PTPN11: variants seen among roughly 807,000 people sequenced by gnomAD.
PTPN11 encodes the protein tyrosine-protein phosphatase non-receptor type 11.
In PTPN11, 6 loss-of-function variants were observed where a neutral mutation model predicts 78.8. That is an observed-to-expected ratio of 0.08 (90% confidence interval 0.04 to 0.15). The LOEUF (loss-of-function observed/expected upper bound fraction) is 0.15, where lower values mean the gene tolerates loss of function less well. PTPN11 is among the 10% of genes least tolerant of loss of function. PTPN11 has a pLI of 1.00. For synonymous variants in PTPN11, 221 were observed against 263.5 expected (o/e 0.84, Z 1.56); for missense variants, 386 against 744.8 (o/e 0.52, Z 5.61).
In PTPN11 at chr12:112,489,047, C is replaced by T. The variant is rs397507539; in HGVS notation, c.1471C>T (p.Pro491Ser). The T allele has an allele frequency of 1.2e-6, 2 of 1,614,002 alleles. No homozygotes were observed. The highest frequency in any genetic ancestry group is 1.7e-6 in the Non-Finnish European group (2 of 1,180,016). The stretch of plus-strand genomic sequence containing the variant: ...AGGTGTTGACTGCGATATTGACGTT[C>T]CCAAAACCATCCAGATGGTGCGGTC... ...EKGVDCDIDV[P>S]KTIQMVRSQR... Residue 491 changes from proline (P) to serine (S), a missense_variant, in exon 13 of 16, where the codon CCC (proline) becomes TCC (serine). Coordinates refer to ENST00000351677, the MANE Select transcript of PTPN11 (RefSeq NM_002834.5).
At position 112,419,014 on chromosome 12, in the gene PTPN11, T is replaced by G. The variant is rs2135817140; in HGVS notation, c.-98T>G. 2 of 1,475,668 alleles carry G rather than the reference T, an allele frequency of 1.4e-6. No homozygotes were observed. The highest frequency in any genetic ancestry group is 1.8e-6 in the Non-Finnish European group (2 of 1,095,684). 91.4% of individuals were successfully genotyped at this position (1,475,668 alleles called of 1,614,324 possible). On this transcript the variant is annotated 5_prime_UTR_variant, in exon 1 of 16. Coordinates refer to ENST00000351677, the MANE Select transcript of PTPN11 (RefSeq NM_002834.5). ...CCGGCTGGCTCTGCCCCGCGTCCGG[T>G]CCCGAGCGGGCCTCCCTCGGGCCAG...
intron 13 of PTPN11, among the ~76,000 whole-genome samples, chr12:112,492,760 G>T (rs1032714519): frequency 6.6e-6 from 1 of 151,916 alleles, no homozygotes; most frequent in Admixed American, 6.6e-5. Context: ...CTTGTGATCT[G>T]CCCGCCTTGG....
chr12:112,425,602 C>T (rs564590919), intron 1 of PTPN11, among the ~76,000 whole-genome samples: 3 of 152,178 alleles, frequency 2.0e-5, no homozygotes, highest in Admixed American at 2.0e-4. Context: ...ATGTATTATC[C>T]AGCATTGAAG....
At chr12:112,476,143 AG>A (rs2038498429) in intron 7 of PTPN11, among the ~76,000 whole-genome samples, 1 of 152,100 alleles carries the variant, frequency 6.6e-6, no homozygotes, top group East Asian at 1.9e-4. Context: ...ACATCTGCTC[AG>A]GGGTCAGGTG....
intron 10 of PTPN11, among the ~76,000 whole-genome samples, chr12:112,485,954 C>T (rs1263895992): frequency 1.3e-5 from 2 of 150,420 alleles, no homozygotes; most frequent in East Asian, 3.9e-4. Flanking sequence ...GCACTCCAGC[C>T]TGGGCAACAG....
chr12:112,459,847 C>T (rs1291240277), intron 6 of PTPN11, among the ~76,000 whole-genome samples: 1 of 151,632 alleles, frequency 6.6e-6, no homozygotes, highest in Non-Finnish European at 1.5e-5. Context: ...ATTATCATAT[C>T]TAAAACTATT....
intron 14 of PTPN11, 120 bp downstream of exon 14, chr12:112,502,376 T>C: frequency 2.5e-6 from 2 of 812,652 alleles, no homozygotes; most frequent in Non-Finnish European, 4.4e-6. Flanking sequence ...TGCACGTTCC[T>C]GTTGCCCTAC....
intron 1 of PTPN11, among the ~76,000 whole-genome samples, chr12:112,419,632 T>A (rs954947782): frequency 1.3e-5 from 2 of 152,242 alleles, no homozygotes; most frequent in African/African-American, 4.8e-5. Flanking sequence ...CCCTTTTATA[T>A]GCCTCTTTGT....
intron 1 of PTPN11, among the ~76,000 whole-genome samples, chr12:112,445,871 C>T (rs142504170): frequency 1.0e-3 from 155 of 151,760 alleles, no homozygotes; most frequent in African/African-American, 3.5e-3. Flanking sequence ...AACTCCCGAC[C>T]CCAGCTGATC....
chr12:112,482,288 G>A lies in PTPN11; in HGVS notation c.1224+83G>A. Reference sequence around the variant, plus strand: ...CAGGGTCTTGCCGTTACTCATGTTTGCATACATGCATGCATTCGCTCACTC... The same window carrying A: ...CAGGGTCTTGCCGTTACTCATGTTTACATACATGCATGCATTCGCTCACTC... On this transcript the variant is annotated intron_variant, in intron 10 of 15. Coordinates refer to ENST00000351677, the MANE Select transcript of PTPN11 (RefSeq NM_002834.5). The surrounding 1 kb of genome is among the most constrained non-coding windows in gnomAD (Gnocchi z 4.4). The A allele has an allele frequency of 6.8e-7, 1 of 1,466,960 alleles. No homozygotes were observed. The highest frequency in any genetic ancestry group is 9.5e-7 in the Non-Finnish European group (1 of 1,051,176). The allele number at this position is 1,466,960 out of a possible 1,614,324, so 90.9% of individuals were successfully genotyped here. A position where few individuals can be genotyped will look rare whatever the true frequency, so the allele number is the denominator to read the frequency against.
chr12:112,462,279 G>A (rs1285269478), intron 6 of PTPN11, among the ~76,000 whole-genome samples: 1 of 152,108 alleles, frequency 6.6e-6, no homozygotes, highest in South Asian at 2.1e-4. Flanking sequence ...GTAGGCTTAA[G>A]CCCAGGAGTT....
At chr12:112,498,715 T>C (rs901897654) in intron 13 of PTPN11, among the ~76,000 whole-genome samples, 8 of 152,256 alleles carry the variant, frequency 5.3e-5, no homozygotes, top group African/African-American at 1.2e-4. Context: ...TTTTCTAGGC[T>C]TCAGAAACAC....
chr12:112,419,301 G>C (rs2135818051), intron 1 of PTPN11, among the ~76,000 whole-genome samples, 176 bp downstream of exon 1: 1 of 151,962 alleles, frequency 6.6e-6, no homozygotes, highest in South Asian at 2.1e-4. Flanking sequence ...CGGCCCCACC[G>C]CGCCCCCACC....
At chr12:112,432,668 CAAAA>C (rs558861452) in intron 1 of PTPN11, among the ~76,000 whole-genome samples, 1 of 60,200 alleles carries the variant, frequency 1.7e-5, no homozygotes. Flanking sequence ...AACTCCATCT[CAAAA>C]AAAAAAAAAA....
intron 7 of PTPN11, among the ~76,000 whole-genome samples, chr12:112,474,860 G>C (rs1475132567): frequency 2.0e-5 from 3 of 151,788 alleles, no homozygotes; most frequent in Admixed American, 6.6e-5. Context: ...CGAATTCCTG[G>C]GCTCAAACGA....
chr12:112,499,150 C>G (rs761927335), intron 13 of PTPN11, among the ~76,000 whole-genome samples: 1 of 151,980 alleles, frequency 6.6e-6, no homozygotes, highest in African/African-American at 2.4e-5. Flanking sequence ...GTTAACAATA[C>G]TGCACATCTA....
intron 10 of PTPN11, among the ~76,000 whole-genome samples, chr12:112,483,611 T>C (rs2038630206): frequency 6.6e-6 from 1 of 152,118 alleles, no homozygotes; most frequent in African/African-American, 2.4e-5. Flanking sequence ...TTTTAAGAGA[T>C]TCCCCTCCAC....
At chr12:112,469,581 C>T (rs1183300030) in intron 6 of PTPN11, among the ~76,000 whole-genome samples, 3 of 152,012 alleles carry the variant, frequency 2.0e-5, no homozygotes, top group African/African-American at 7.2e-5. Context: ...GTGACACAAT[C>T]TCGGCTCACT....
At chr12:112,460,817 A>G (rs2038235560) in intron 6 of PTPN11, among the ~76,000 whole-genome samples, 1 of 152,154 alleles carries the variant, frequency 6.6e-6, no homozygotes, top group Non-Finnish European at 1.5e-5. Flanking sequence ...ACTCCAGCCT[A>G]GAGACAGAGT....
Sources: gnomAD v4.1 joint callset for allele counts (sites outside exome capture counted in the v4.1 genomes callset) on GRCh38, gnomAD v4.1.1 for gene constraint, Gnocchi (gnomAD v3.1) non-coding constraint, MANE v1.5 for transcripts, NCBI Gene and HGNC (gene_info 2026-07-23, HGNC 2026-07-21) for gene names.